LDLRAD3: variants seen among roughly 807,000 people sequenced by gnomAD.
LDLRAD3 encodes low density lipoprotein receptor class A domain containing 3.
Under a neutral mutation model 29.4 loss-of-function variants are expected in LDLRAD3, and 20 were observed. The observed-to-expected ratio is 0.68, with a 90% CI of 0.48 to 0.99. The LOEUF (loss-of-function observed/expected upper bound fraction) is 0.99, where lower values mean the gene tolerates loss of function less well. LDLRAD3 is among the 50% of genes least tolerant of loss of function. LDLRAD3 has a pLI of 0.00. For synonymous variants in LDLRAD3, 157 were observed against 192.7 expected (o/e 0.81, Z 1.53); for missense variants, 420 against 454.3 (o/e 0.92, Z 0.69).
chr11:35,955,275 A>C (rs1011104876), intron 1 of LDLRAD3, among the ~76,000 whole-genome samples: 2 of 152,190 alleles, frequency 1.3e-5, no homozygotes, highest in Non-Finnish European at 2.9e-5. Context: ...AACAGTATTA[A>C]ACACATGAAA....
intron 4 of LDLRAD3, among the ~76,000 whole-genome samples, chr11:36,138,906 CCTGA>C (rs1353410196): frequency 6.6e-6 from 1 of 152,216 alleles, no homozygotes; most frequent in Admixed American, 6.5e-5. Context: ...TAATAGGGAA[CCTGA>C]CTGTTTACCT....
chr11:35,957,694 G>A (rs925996449), intron 1 of LDLRAD3, among the ~76,000 whole-genome samples: 1 of 151,212 alleles, frequency 6.6e-6, no homozygotes, highest in South Asian at 2.1e-4. Flanking sequence ...CAGGTAGGAG[G>A]CTGAGACAGA....
At chr11:36,141,012 C>CTT (rs1854077024) in intron 4 of LDLRAD3, among the ~76,000 whole-genome samples, 1 of 151,100 alleles carries the variant, frequency 6.6e-6, no homozygotes, top group African/African-American at 2.4e-5. Context: ...CTCTCTCTCT[C>CTT]TCTCTCTCTC....
In LDLRAD3 at chr11:36,079,149, G is replaced by A. The variant is rs11033405; in HGVS notation, c.194-2504G>A. Among the ~76,000 whole-genome samples the A allele has an allele frequency of 4.0e-4, 61 of 152,340 alleles. 1 individual carries two copies. The East Asian group carries it at 0.01, about 25-fold the overall frequency. On this transcript the variant is annotated intron_variant, in intron 2 of 5. Transcript: ENST00000315571. ...CTCACGCTTCCTTACTGCAGCTGGTGTGATGGCAGCGGCCACTCTGAACAG... is the reference window on the plus strand; with the variant it reads ...CTCACGCTTCCTTACTGCAGCTGGTATGATGGCAGCGGCCACTCTGAACAG...
intron 4 of LDLRAD3, among the ~76,000 whole-genome samples, chr11:36,102,393 C>T (rs946226703): frequency 6.6e-6 from 1 of 152,122 alleles, no homozygotes; most frequent in Non-Finnish European, 1.5e-5. Context: ...CTGGCTGGCT[C>T]CAAGACCAGA....
At chr11:35,948,986 C>T (rs1011287531) in intron 1 of LDLRAD3, among the ~76,000 whole-genome samples, 3 of 152,130 alleles carry the variant, frequency 2.0e-5, no homozygotes, top group African/African-American at 7.2e-5. Flanking sequence ...GTGTCCTTGC[C>T]ATGCATCTTG....
At chr11:36,145,189 C>T (rs1319547264) in intron 4 of LDLRAD3, among the ~76,000 whole-genome samples, 1 of 119,440 alleles carries the variant, frequency 8.4e-6, no homozygotes, top group African/African-American at 3.2e-5. Flanking sequence ...CCAGCTGCCC[C>T]GTCCGGGAGG....
chr11:36,118,600 A>G (rs756997231), intron 4 of LDLRAD3, among the ~76,000 whole-genome samples: 2 of 152,064 alleles, frequency 1.3e-5, no homozygotes, highest in Non-Finnish European at 2.9e-5. Flanking sequence ...ACTGGATTCA[A>G]TTTGGGGGTC....
intron 1 of LDLRAD3, among the ~76,000 whole-genome samples, chr11:36,010,897 C>T (rs957604521): frequency 2.0e-5 from 3 of 152,098 alleles, no homozygotes; most frequent in Admixed American, 6.6e-5. Flanking sequence ...CCTCTGCTTC[C>T]GAGATTCAAG....
intron 1 of LDLRAD3, among the ~76,000 whole-genome samples, chr11:35,986,205 T>A (rs967174625): frequency 6.6e-6 from 1 of 152,188 alleles, no homozygotes; most frequent in African/African-American, 2.4e-5. Flanking sequence ...CAGTGGCTGA[T>A]TATCTCTAGG....
intron 3 of LDLRAD3, among the ~76,000 whole-genome samples, chr11:36,083,080 A>C (rs934595709): frequency 6.6e-6 from 1 of 152,218 alleles, no homozygotes; most frequent in African/African-American, 2.4e-5. Flanking sequence ...GAGATTTTCC[A>C]AATCCTCTGC....
At chr11:36,102,184 G>A (rs1029500108) in intron 4 of LDLRAD3, among the ~76,000 whole-genome samples, 2 of 151,956 alleles carry the variant, frequency 1.3e-5, no homozygotes, top group Non-Finnish European at 2.9e-5. Flanking sequence ...CACCGCACCC[G>A]GCCGACCCAC....
intron 2 of LDLRAD3, among the ~76,000 whole-genome samples, chr11:36,065,620 A>T (rs1021845767): frequency 6.6e-6 from 1 of 152,212 alleles, no homozygotes; most frequent in South Asian, 2.1e-4. Context: ...TTCAAGTTAC[A>T]TCATGACACA....
At chr11:36,029,987 A>G (rs262439) in intron 1 of LDLRAD3, among the ~76,000 whole-genome samples, 88,265 of 152,044 alleles carry the variant, frequency 0.58, 26,044 homozygotes, top group Admixed American at 0.64. Context: ...TCAATAGCCA[A>G]TGGTCCTGGG....
At chr11:35,953,690 C>A (rs920375331) in intron 1 of LDLRAD3, among the ~76,000 whole-genome samples, 25 of 152,178 alleles carry the variant, frequency 1.6e-4, no homozygotes, top group African/African-American at 5.8e-4. Flanking sequence ...TTGGAAAGTT[C>A]TAAATTTAAC....
chr11:35,964,974 A>C (rs569848518), intron 1 of LDLRAD3, among the ~76,000 whole-genome samples: 1 of 145,240 alleles, frequency 6.9e-6, no homozygotes, highest in East Asian at 2.1e-4. Flanking sequence ...TGGGCAACAG[A>C]GCAAGACTGT....
intron 1 of LDLRAD3, chr11:35,968,288 G>C: frequency 5.2e-6 from 2 of 383,072 alleles, no homozygotes; most frequent in Non-Finnish European, 1.0e-5. Flanking sequence ...TGGGAGGAGT[G>C]GATGTGAGCA....
chr11:35,963,978 G>GT (rs1851308987), intron 1 of LDLRAD3, among the ~76,000 whole-genome samples: 1 of 152,170 alleles, frequency 6.6e-6, no homozygotes, highest in South Asian at 2.1e-4. Context: ...GTTAGAGGAG[G>GT]TCCCCATTTC....
At chr11:36,112,117 A>G (rs1590276967) in intron 4 of LDLRAD3, among the ~76,000 whole-genome samples, 1 of 152,318 alleles carries the variant, frequency 6.6e-6, no homozygotes, top group South Asian at 2.1e-4. Context: ...AAGTTTGTGC[A>G]AACCACACTT....
Sources: allele counts gnomAD v4.1 joint callset (sites outside exome capture counted in the v4.1 genomes callset), GRCh38; gene constraint gnomAD v4.1.1; transcripts MANE v1.5; gene names NCBI Gene and HGNC (gene_info 2026-07-23, HGNC 2026-07-21).